ANKRD30BL: variants seen among roughly 807,000 people sequenced by gnomAD.
ANKRD30BL encodes the protein putative ankyrin repeat domain-containing protein 30B-like.
In ANKRD30BL, 20 loss-of-function variants were observed where a neutral mutation model predicts 18.4. That is an observed-to-expected ratio of 1.09 (90% confidence interval 0.77 to 1.58). The LOEUF is 1.58. Among genes scored for constraint, ANKRD30BL ranks in the 40% most tolerant of loss-of-function variants. The pLI is 0.00. For missense variants in ANKRD30BL, 224 were observed against 268.6 expected (o/e 0.83, Z 1.16); for synonymous variants, 72 against 100.9 (o/e 0.71, Z 1.72).
chr2:132,209,236 A>C (rs201215987), intron 1 of ANKRD30BL, among the ~76,000 whole-genome samples: 1 of 148,816 alleles, frequency 6.7e-6, no homozygotes, highest in African/African-American at 2.5e-5. Context: ...TGTGAATTCA[A>C]CTCACAGAGT....
At chr2:132,213,209 C>T (rs554079958) in intron 1 of ANKRD30BL, among the ~76,000 whole-genome samples, 1 of 151,764 alleles carries the variant, frequency 6.6e-6, no homozygotes, top group East Asian at 1.9e-4. Context: ...GCATTCATCA[C>T]ACAGAGTTGA....
chr2:132,165,981 A>G (rs1688181544), upstream of ANKRD30BL, among the ~76,000 whole-genome samples: 1 of 152,124 alleles, frequency 6.6e-6, no homozygotes, highest in South Asian at 2.1e-4. Flanking sequence ...TCAAGTTATG[A>G]AAATTCACCT....
upstream of ANKRD30BL, among the ~76,000 whole-genome samples, chr2:132,164,886 C>A (rs1213760846): frequency 6.6e-6 from 1 of 152,104 alleles, no homozygotes; most frequent in East Asian, 2.0e-4. Flanking sequence ...CCTGGCTACA[C>A]GGTGAAACCC....
At chr2:132,227,483 C>T (rs1400337616) in intron 1 of ANKRD30BL, among the ~76,000 whole-genome samples, 1 of 151,594 alleles carries the variant, frequency 6.6e-6, no homozygotes, top group African/African-American at 2.4e-5. Flanking sequence ...TGAAACACTC[C>T]TTTAGTAGAA....
At chr2:132,176,267 C>T (rs1296735838) in intron 1 of ANKRD30BL, among the ~76,000 whole-genome samples, 5 of 151,656 alleles carry the variant, frequency 3.3e-5, no homozygotes, top group South Asian at 2.1e-4. Context: ...CGGTGGTTCA[C>T]GCCTATAATT....
chr2:132,205,953 G>A (rs1369998568), intron 1 of ANKRD30BL, among the ~76,000 whole-genome samples: 2 of 152,132 alleles, frequency 1.3e-5, no homozygotes, highest in East Asian at 3.9e-4. Context: ...AACATCAGCA[G>A]TTCAAGACCA....
chr2:132,231,654 G>C (rs1385117524), intron 1 of ANKRD30BL, among the ~76,000 whole-genome samples: 3 of 152,144 alleles, frequency 2.0e-5, no homozygotes, highest in Non-Finnish European at 2.9e-5. Flanking sequence ...GGCACACCAC[G>C]AGATTATATC....
intron 1 of ANKRD30BL, among the ~76,000 whole-genome samples, chr2:132,159,749 A>C (rs1688006535): frequency 6.6e-6 from 1 of 152,078 alleles, no homozygotes; most frequent in South Asian, 2.1e-4. Context: ...AGTTTAATTT[A>C]ATTTTGTTTT....
intron 1 of ANKRD30BL, among the ~76,000 whole-genome samples, chr2:132,228,328 G>C (rs1307643300): frequency 6.6e-6 from 1 of 151,588 alleles, no homozygotes; most frequent in Non-Finnish European, 1.5e-5. Flanking sequence ...TCACAGAGTT[G>C]AACCTTTCTT....
At chr2:132,234,893 T>C (rs1005206358) in intron 1 of ANKRD30BL, among the ~76,000 whole-genome samples, 6 of 152,112 alleles carry the variant, frequency 3.9e-5, no homozygotes, top group African/African-American at 1.4e-4. Context: ...AAAAAGAGAA[T>C]TTTAGACCAA....
chr2:132,150,276 T>C (rs552915708), intron 5 of ANKRD30BL, among the ~76,000 whole-genome samples: 89 of 125,612 alleles, frequency 7.1e-4, no homozygotes, highest in Middle Eastern at 3.6e-3. Context: ...ATAAACATTT[T>C]ATATGTTTAT....
At chr2:132,249,075 C>T (rs747311580) in intron 1 of ANKRD30BL, among the ~76,000 whole-genome samples, 10 of 152,270 alleles carry the variant, frequency 6.6e-5, no homozygotes, top group African/African-American at 2.2e-4. Context: ...GATGAATGCA[C>T]ACATTACAAA....
intron 1 of ANKRD30BL, among the ~76,000 whole-genome samples, chr2:132,232,276 A>G (rs57362933): frequency 0.072 from 10,900 of 152,264 alleles, 1,285 homozygotes; most frequent in African/African-American, 0.25. Context: ...AATGCAGAAC[A>G]CGTCTCCTCC....
intron 1 of ANKRD30BL, among the ~76,000 whole-genome samples, chr2:132,210,916 A>T (rs1016592182): frequency 9.2e-5 from 10 of 108,144 alleles, no homozygotes; most frequent in African/African-American, 2.9e-4. Flanking sequence ...ATTCTGAGAA[A>T]CTTCTTTGTG....
chr2:132,153,224 A>G (rs1050312873), intron 4 of ANKRD30BL, among the ~76,000 whole-genome samples: 13 of 152,216 alleles, frequency 8.5e-5, no homozygotes, highest in Admixed American at 8.5e-4. Flanking sequence ...TTCTTTTAAA[A>G]AATTCAAGAA....
intron 1 of ANKRD30BL, among the ~76,000 whole-genome samples, chr2:132,214,923 T>C (rs535528896): frequency 2.8e-3 from 426 of 149,740 alleles, no homozygotes; most frequent in African/African-American, 9.6e-3. Flanking sequence ...CATTTCTTTG[T>C]ATTGAGCAGG....
At chr2:132,235,417 A>G (rs1439113762) in intron 1 of ANKRD30BL, among the ~76,000 whole-genome samples, 1 of 152,166 alleles carries the variant, frequency 6.6e-6, no homozygotes, top group Non-Finnish European at 1.5e-5. Flanking sequence ...TGCAGATGAC[A>G]TGATTGTATA....
chr2:132,253,637 C>A (rs1389142843), intron 1 of ANKRD30BL, among the ~76,000 whole-genome samples: 2 of 152,040 alleles, frequency 1.3e-5, no homozygotes. Context: ...CCCAGCTGGC[C>A]GGGGGGACGG....
At chr2:132,220,302 GTCCCTCTCCCTC>G (rs1355938640) in intron 1 of ANKRD30BL, among the ~76,000 whole-genome samples, 2 of 102,160 alleles carry the variant, frequency 2.0e-5, no homozygotes, top group Non-Finnish European at 3.8e-5. Flanking sequence ...CCCTCTCCCT[GTCCCTCTCCCTC>G]TCCCTCTCCC....
Sources: allele counts gnomAD v4.1 joint callset (sites outside exome capture counted in the v4.1 genomes callset), GRCh38; gene constraint gnomAD v4.1.1; transcripts MANE v1.5; gene names NCBI Gene and HGNC (gene_info 2026-07-23, HGNC 2026-07-21).